TNS3: variants seen among roughly 807,000 people sequenced by gnomAD.
TNS3 encodes the protein tensin 3.
Under a neutral mutation model 140.9 loss-of-function variants are expected in TNS3, and 45 were observed. The observed-to-expected ratio is 0.32, with a 90% CI of 0.25 to 0.41. TNS3 has a LOEUF of 0.41. Among genes scored for constraint, TNS3 ranks in the 10% least tolerant of loss-of-function variants. The pLI, the probability that TNS3 is intolerant of heterozygous loss-of-function variation, is 1.00. For missense variants in TNS3, 1,716 were observed against 1,906.7 expected, an observed-to-expected ratio of 0.90 and a Z score of 1.86; for synonymous variants, 815 against 788.4, an observed-to-expected ratio of 1.03 and a Z score of -0.56.
intron 1 of TNS3, among the ~76,000 whole-genome samples, chr7:47,571,788 C>T (rs1437067167): frequency 6.6e-6 from 1 of 152,264 alleles, no homozygotes; most frequent in Non-Finnish European, 1.5e-5. Context: ...CACAGACTCA[C>T]AGGCCAAGGT....
At chr7:47,536,175 A>G (rs1208134199) in intron 1 of TNS3, among the ~76,000 whole-genome samples, 1 of 152,248 alleles carries the variant, frequency 6.6e-6, no homozygotes, top group African/African-American at 2.4e-5. Context: ...ACTAAACTTT[A>G]AAAGGGAACG....
intron 4 of TNS3, among the ~76,000 whole-genome samples, chr7:47,449,806 A>G (rs1173586749): frequency 1.3e-5 from 2 of 152,114 alleles, no homozygotes; most frequent in African/African-American, 2.4e-5. Flanking sequence ...GGGTTTCACC[A>G]TGTTGGCCAG....
chr7:47,393,050 T>C (rs1792621371), intron 16 of TNS3, among the ~76,000 whole-genome samples: 1 of 152,090 alleles, frequency 6.6e-6, no homozygotes, highest in African/African-American at 2.4e-5. Flanking sequence ...GGGAAGAAAG[T>C]TTAAAGATGT....
At chr7:47,435,096 T>C (rs566139465) in intron 8 of TNS3, among the ~76,000 whole-genome samples, 186 bp downstream of exon 8, 1 of 140,504 alleles carries the variant, frequency 7.1e-6, no homozygotes, top group East Asian at 2.0e-4. Context: ...AAAGCCAAAC[T>C]TGGGGAGGTG....
chr7:47,488,869 G>C (rs1308721666), intron 3 of TNS3, among the ~76,000 whole-genome samples: 1 of 152,210 alleles, frequency 6.6e-6, no homozygotes, highest in Non-Finnish European at 1.5e-5. Context: ...AATGGTGCCT[G>C]GGGACAGGGG....
At chr7:47,405,870 C>G (rs1176793175) in intron 13 of TNS3, among the ~76,000 whole-genome samples, 1 of 152,138 alleles carries the variant, frequency 6.6e-6, no homozygotes, top group East Asian at 1.9e-4. Flanking sequence ...AGTCGGGTCA[C>G]TGGAGCGAGG....
intron 17 of TNS3, among the ~76,000 whole-genome samples, chr7:47,365,675 G>T (rs1224460388): frequency 6.6e-6 from 1 of 151,876 alleles, no homozygotes; most frequent in Non-Finnish European, 1.5e-5. Flanking sequence ...CAGGAGAATG[G>T]TGCGAACCCG....
intron 27 of TNS3, among the ~76,000 whole-genome samples, chr7:47,284,161 T>C (rs1785291114): frequency 6.6e-6 from 1 of 152,190 alleles, no homozygotes; most frequent in African/African-American, 2.4e-5. Context: ...GAGCTTTCTA[T>C]TCGCCCTGCA....
At chr7:47,378,729 C>T (rs769840667) in intron 16 of TNS3, among the ~76,000 whole-genome samples, 6 of 152,184 alleles carry the variant, frequency 3.9e-5, no homozygotes, top group Non-Finnish European at 7.3e-5. Context: ...GGGACCGAAG[C>T]ATGTCCAAGT....
At chr7:47,300,755 G>C (rs192581422) in intron 23 of TNS3, among the ~76,000 whole-genome samples, 15 of 152,204 alleles carry the variant, frequency 9.9e-5, no homozygotes, top group Non-Finnish European at 2.9e-5. Context: ...AGGAGGTGCC[G>C]AGGCACTGGG....
intron 3 of TNS3, among the ~76,000 whole-genome samples, chr7:47,486,072 G>C (rs1797603732): frequency 6.6e-6 from 1 of 151,966 alleles, no homozygotes; most frequent in South Asian, 2.1e-4. Context: ...GTGAGTGTGT[G>C]TGTGTGAGTG....
intron 13 of TNS3, among the ~76,000 whole-genome samples, chr7:47,403,945 T>C (rs1793299547): frequency 6.6e-6 from 1 of 152,234 alleles, no homozygotes; most frequent in Non-Finnish European, 1.5e-5. Context: ...ATAATAGTAA[T>C]GCAAACATTT....
Position 47,344,830 on chromosome 7 carries a change from C to G in TNS3, c.2575G>C (p.Ala859Pro). The change falls in exon 20 of 31, where the codon GCG (alanine) becomes CCG (proline). Residue 859 changes from alanine to proline, a missense_variant. This residue lies in a region of TNS3 where 1,163 missense variants were observed against 1,182.1 expected (regional missense o/e 0.98). Transcript: ENST00000311160. ...GGGCTGAACGGAGGATGGCGCAGCG[C>G]TGTTTTCACTGGAAAAGAAAGCAGA... ...VSPETPYVKT[A>P]LRHPPFSPPE... The G allele has an allele frequency of 6.2e-7, 1 of 1,613,922 alleles. No homozygotes were observed. Among genetic ancestry groups the G allele is most frequent in the African/African-American group, 1.3e-5 (1 of 75,052 alleles).
intron 1 of TNS3, among the ~76,000 whole-genome samples, chr7:47,573,307 G>A (rs12702353): frequency 0.32 from 48,057 of 152,094 alleles, 9,279 homozygotes; most frequent in Non-Finnish European, 0.42. Flanking sequence ...CTGTGCTCTT[G>A]GAAATTTCTG....
At chr7:47,545,542 G>A (rs1799898853) in intron 1 of TNS3, among the ~76,000 whole-genome samples, 1 of 152,198 alleles carries the variant, frequency 6.6e-6, no homozygotes, top group African/African-American at 2.4e-5. Context: ...CTTAAACAGG[G>A]TGCTGACAGC....
At chr7:47,453,575 G>A (rs533392987) in intron 4 of TNS3, among the ~76,000 whole-genome samples, 13 of 152,066 alleles carry the variant, frequency 8.5e-5, no homozygotes, top group East Asian at 1.9e-4. Context: ...ATGACTCATC[G>A]AATGAATTCA....
At chr7:47,411,701 C>T in intron 13 of TNS3, 26 bp downstream of exon 13, 1 of 1,600,090 alleles carries the variant, frequency 6.2e-7, no homozygotes, top group Non-Finnish European at 8.5e-7. Context: ...GACACCAACC[C>T]ATCTGCGGCC....
intron 16 of TNS3, among the ~76,000 whole-genome samples, chr7:47,384,292 G>A (rs1332927208): frequency 6.6e-6 from 1 of 152,096 alleles, no homozygotes; most frequent in South Asian, 2.1e-4. Flanking sequence ...GGCCGGGAAG[G>A]GGCAGCCTGT....
chr7:47,309,779 GC>G (rs1786977377), intron 20 of TNS3, among the ~76,000 whole-genome samples: 1 of 152,224 alleles, frequency 6.6e-6, no homozygotes, highest in African/African-American at 2.4e-5. Flanking sequence ...ATCAAAGATG[GC>G]CACATCAGCT....
Sources: allele counts gnomAD v4.1 joint callset (sites outside exome capture counted in the v4.1 genomes callset), GRCh38; gene constraint gnomAD v4.1.1; regional missense constraint gnomAD v4.1.1; transcripts MANE v1.5; gene names NCBI Gene and HGNC (gene_info 2026-07-23, HGNC 2026-07-21).